The following FGD6 variants were observed in gnomAD, a reference collection of about 807,000 sequenced individuals.
FGD6 encodes the protein FYVE, RhoGEF and PH domain containing 6, also known as FYVE, RhoGEF and PH domain-containing protein 6.
Under a neutral mutation model 149.4 loss-of-function variants are expected in FGD6, and 90 were observed. The ratio of observed to expected loss-of-function variants is 0.60; its 90% CI spans 0.51 to 0.72. The LOEUF (loss-of-function observed/expected upper bound fraction) is 0.72, where lower values mean the gene tolerates loss of function less well. FGD6 is among the 30% of genes least tolerant of loss of function. FGD6 has a pLI of 0.00. For synonymous variants in FGD6, 527 were observed against 584.0 expected (o/e 0.90, Z 1.41); for missense variants, 1,437 against 1,684.8 (o/e 0.85, Z 2.57).
chr12:95,127,916 C>T (rs1011959776), intron 8 of FGD6, among the ~76,000 whole-genome samples: 3 of 152,144 alleles, frequency 2.0e-5, no homozygotes, highest in Non-Finnish European at 4.4e-5. Context: ...TTTTCTCTAT[C>T]AGGATCCTTA....
intron 1 of FGD6, 104 bp from the exon 2 acceptor site, chr12:95,211,371 CT>C: frequency 3.0e-6 from 4 of 1,354,854 alleles, no homozygotes; most frequent in South Asian, 3.0e-5. Context: ...ATGACCTTGC[CT>C]TTTACTGAGT....
chr12:95,103,631 T>C (rs1245750940), intron 14 of FGD6, among the ~76,000 whole-genome samples: 1 of 152,140 alleles, frequency 6.6e-6, no homozygotes, highest in Non-Finnish European at 1.5e-5. Context: ...ACCACCCAGG[T>C]TCAAGTGATT....
chr12:95,192,647 A>T (rs1881624047), intron 2 of FGD6, among the ~76,000 whole-genome samples: 2 of 152,204 alleles, frequency 1.3e-5, no homozygotes, highest in African/African-American at 4.8e-5. Context: ...ATATACTGAC[A>T]AGAAGAGGCA....
intron 3 of FGD6, among the ~76,000 whole-genome samples, chr12:95,159,521 G>A (rs896377320): frequency 3.9e-5 from 6 of 152,204 alleles, no homozygotes; most frequent in African/African-American, 1.4e-4. Flanking sequence ...TTCTGAGAGA[G>A]AATTCGTAGC....
At chr12:95,116,077 A>G (rs1445964712) in intron 8 of FGD6, among the ~76,000 whole-genome samples, 2 of 152,232 alleles carry the variant, frequency 1.3e-5, no homozygotes, top group East Asian at 3.8e-4. Flanking sequence ...ACAAAAAATA[A>G]AAAATTCCCA....
intron 2 of FGD6, among the ~76,000 whole-genome samples, chr12:95,178,255 C>T (rs545497106): frequency 1.3e-5 from 2 of 152,164 alleles, no homozygotes; most frequent in Admixed American, 6.5e-5. Flanking sequence ...GCAACCGTCA[C>T]GTATGCACAT....
intron 2 of FGD6, among the ~76,000 whole-genome samples, chr12:95,198,258 T>C (rs541655710): frequency 6.6e-6 from 1 of 152,340 alleles, no homozygotes; most frequent in South Asian, 2.1e-4. Context: ...TCAGTTTATC[T>C]ACAAGTTAGC....
chr12:95,206,711 A>G (rs991173506), intron 2 of FGD6, among the ~76,000 whole-genome samples: 2 of 151,872 alleles, frequency 1.3e-5, no homozygotes, highest in African/African-American at 2.4e-5. Context: ...AAAAAAAAAA[A>G]AAAAGAAAAA....
At chr12:95,211,686 C>T (rs541076950) in intron 1 of FGD6, among the ~76,000 whole-genome samples, 104 of 151,936 alleles carry the variant, frequency 6.8e-4, no homozygotes, top group African/African-American at 2.3e-3. Flanking sequence ...ATTACAAGTG[C>T]GCACCACCAC....
intron 2 of FGD6, among the ~76,000 whole-genome samples, chr12:95,199,935 T>G (rs1388734864): frequency 6.6e-6 from 1 of 152,130 alleles, no homozygotes; most frequent in Admixed American, 6.5e-5. Flanking sequence ...GTGGGATACA[T>G]CAAAAGACCA....
At position 95,081,575 on chromosome 12, in the gene FGD6, G is replaced by T; in HGVS notation, c.4257-19C>A. ...TATCCACCTATTGATAAGAGAAATC[G>T]GTTAGATTTGTAAAACCTAATCATC... On this transcript the variant is annotated intron_variant, in intron 20 of 20. Transcript: ENST00000343958. 1.3e-6 allele frequency: 2 copies of T among 1,589,924 alleles called. No homozygotes were observed. Among genetic ancestry groups the T allele is most frequent in the Middle Eastern group, 1.7e-4 (1 of 6,000 alleles).
chr12:95,128,433 G>T (rs944419887), intron 8 of FGD6, among the ~76,000 whole-genome samples: 2 of 152,074 alleles, frequency 1.3e-5, no homozygotes, highest in African/African-American at 4.8e-5. Context: ...TAGAGACAGG[G>T]TCTCACTATG....
Position 95,210,304 on chromosome 12 carries a change from C to A in FGD6, c.980G>T (p.Arg327Leu), listed in dbSNP as rs748028147. ...PRKTRTARLL[R>L]QKCVDTPSES... ...ACTAGGAGTATCTACACACTTTTGG[C>A]GTAACAGACGAGCAGTTCGTGTCTT... Residue 327 changes from arginine to leucine, a missense_variant, in exon 2 of 21, where the codon CGC (arginine) becomes CTC (leucine). Coordinates refer to ENST00000343958, the MANE Select transcript of FGD6 (RefSeq NM_018351.4). 59 of 1,614,004 alleles carry A rather than the reference C, an allele frequency of 3.7e-5. No individual in the cohort carries two copies. The South Asian group carries it at 5.6e-4, about 15-fold the overall frequency.
intron 15 of FGD6, among the ~76,000 whole-genome samples, chr12:95,093,046 C>T (rs1165605297): frequency 6.6e-6 from 1 of 151,894 alleles, no homozygotes; most frequent in Non-Finnish European, 1.5e-5. Context: ...CACAGTGAAA[C>T]CCTGTTTCTA....
At chr12:95,113,523 A>G (rs1189035577) in intron 9 of FGD6, 128 bp downstream of exon 9, 2 of 729,562 alleles carry the variant, frequency 2.7e-6, no homozygotes, top group Admixed American at 3.0e-5. Flanking sequence ...GGTGTGAGCC[A>G]CCGCACCTGC....
At chr12:95,109,615 C>G (rs1454951329) in intron 9 of FGD6, among the ~76,000 whole-genome samples, 1 of 152,032 alleles carries the variant, frequency 6.6e-6, no homozygotes, top group South Asian at 2.1e-4. Flanking sequence ...GTAATCCGAA[C>G]ACTTTGGAAG....
intron 11 of FGD6, 121 bp from the exon 12 acceptor site, chr12:95,107,752 C>A: frequency 1.0e-6 from 1 of 954,300 alleles, no homozygotes; most frequent in South Asian, 1.5e-5. Context: ...GCCACAGTTT[C>A]CTTGAGATTT....
intron 16 of FGD6, 143 bp downstream of exon 16, chr12:95,092,556 G>T: frequency 1.1e-6 from 1 of 888,988 alleles, no homozygotes. Context: ...CACCATTCAT[G>T]TTTGCTACCA....
At chr12:95,137,492 A>C (rs1290709415) in intron 7 of FGD6, 30 bp downstream of exon 7, 1 of 1,456,754 alleles carries the variant, frequency 6.9e-7, no homozygotes, top group Non-Finnish European at 9.1e-7. Flanking sequence ...AAAGAAAGAG[A>C]AGTGTTCAAC....
Sources: gnomAD v4.1 joint callset for allele counts (sites outside exome capture counted in the v4.1 genomes callset) on GRCh38, gnomAD v4.1.1 for gene constraint, MANE v1.5 for transcripts, NCBI Gene and HGNC (gene_info 2026-07-23, HGNC 2026-07-21) for gene names.